Variants in DOCK6 observed in about 807,000 individuals in gnomAD.
The protein encoded by DOCK6 is dedicator of cytokinesis 6.
A neutral mutation model predicts 230.3 loss-of-function variants in DOCK6; 167 were observed. The observed-to-expected ratio is 0.73, with a 90% confidence interval of 0.64 to 0.82. The LOEUF (loss-of-function observed/expected upper bound fraction) is 0.82, where lower values mean the gene tolerates loss of function less well. DOCK6 is among the 40% of genes least tolerant of loss of function. The pLI, the probability that DOCK6 is intolerant of heterozygous loss-of-function variation, is 0.00. For missense variants in DOCK6, 2,598 were observed against 2,825.8 expected (o/e 0.92, Z 1.83); for synonymous variants, 1,148 against 1,185.0 (o/e 0.97, Z 0.64).
At chr19:11,247,990 C>A in intron 7 of DOCK6, 76 bp downstream of exon 7, 1 of 1,272,500 alleles carries the variant, frequency 7.9e-7, no homozygotes, top group South Asian at 1.3e-5. Context: ...TGGCACTACT[C>A]ATGTAGTGTG....
intron 34 of DOCK6, 58 bp from the exon 35 acceptor site, chr19:11,213,386 G>A: frequency 6.4e-7 from 1 of 1,568,262 alleles, no homozygotes; most frequent in East Asian, 2.4e-5. Flanking sequence ...GGCTCAGAAG[G>A]GGACTGGCCC....
At chr19:11,251,957 A>C in intron 5 of DOCK6, 162 bp downstream of exon 5, 1 of 1,033,448 alleles carries the variant, frequency 9.7e-7, no homozygotes, top group South Asian at 1.5e-5. Context: ...GCACTCAATA[A>C]ATGTTTATAA....
chr19:11,227,790 TAG>T (rs1200177048), intron 23 of DOCK6, among the ~76,000 whole-genome samples: 5 of 151,294 alleles, frequency 3.3e-5, no homozygotes, highest in Admixed American at 6.6e-5. Context: ...AGGCAAAGTG[TAG>T]AGAGTGGGAA....
chr19:11,218,741 C>T (rs2079532879), intron 28 of DOCK6, among the ~76,000 whole-genome samples: 1 of 151,950 alleles, frequency 6.6e-6, no homozygotes, highest in Non-Finnish European at 1.5e-5. Flanking sequence ...AGCCACTGCA[C>T]CTGGCCTTGA....
chr19:11,255,205 A>G (rs1289556373), intron 1 of DOCK6, among the ~76,000 whole-genome samples: 1 of 151,900 alleles, frequency 6.6e-6, no homozygotes, highest in African/African-American at 2.4e-5. Context: ...GGGTTTCACA[A>G]TGTTGGCCAG....
intron 22 of DOCK6, among the ~76,000 whole-genome samples, chr19:11,230,760 A>G (rs555824928): frequency 2.8e-4 from 42 of 152,210 alleles, no homozygotes; most frequent in African/African-American, 1.0e-3. Flanking sequence ...AGAGAGCCCA[A>G]GGTTCCAGGC....
chr19:11,216,896 C>T lies in DOCK6; in HGVS notation c.3894+18G>A, dbSNP rs192704795. On this transcript the variant is annotated intron_variant, in intron 30 of 47. Coordinates refer to ENST00000294618, the MANE Select transcript of DOCK6 (RefSeq NM_020812.4). ...CTTAGCCTGCCTCCTCCATCATCTC[C>T]TGCCCACGCCCTCAAACCTTGTACT... 4.3e-6 allele frequency: 7 copies of T among 1,613,094 alleles called. No homozygotes were observed. Among genetic ancestry groups the T allele is most frequent in the Non-Finnish European group, 5.1e-6 (6 of 1,179,286 alleles).
At chr19:11,247,600 C>T (rs544191797) in intron 7 of DOCK6, 8 of 156,212 alleles carry the variant, frequency 5.1e-5, no homozygotes, top group Admixed American at 1.2e-4. Flanking sequence ...CGCACTTCTG[C>T]TGCTCCCCGG....
Position 11,199,522 on chromosome 19 carries a change from G to T in DOCK6, c.6119C>A (p.Ala2040Glu), listed in dbSNP as rs1273487788. ...PPGLRNSLNRASFRKADL is the reference protein window; with the variant it reads ...PPGLRNSLNRESFRKADL ...TCAGAGGTCTGCCTTTCGGAAACTT[G>T]CTCTGTTCAAGGAGTTCCTGGAAAA... Residue 2040 changes from alanine (A) to glutamate (E), a missense_variant, in exon 48 of 48, where the codon GCA (alanine) becomes GAA (glutamate). Coordinates refer to ENST00000294618, the MANE Select transcript of DOCK6 (RefSeq NM_020812.4). 1.3e-6 allele frequency: 2 copies of T among 1,583,282 alleles called. No individual in the cohort carries two copies. The highest frequency in any genetic ancestry group is 1.7e-6 in the Non-Finnish European group (2 of 1,164,628).
At position 11,201,020 on chromosome 19, in the gene DOCK6, C is replaced by G. The variant is rs1306251827; in HGVS notation, c.5721G>C (p.Glu1907Asp). The G allele has an allele frequency of 6.2e-7, 1 of 1,613,814 alleles. No homozygotes were observed. Among genetic ancestry groups the G allele is most frequent in the Non-Finnish European group, 8.5e-7 (1 of 1,179,878 alleles). ...TVLTPVEVAI[E>D]DMQKKTRELA... The stretch of plus-strand genomic sequence containing the variant: ...GCTCCCGTGTCTTCTTCTGCATGTC[C>G]TCGATGGCCACCTCCACTGGCGTCA... The change falls in exon 45 of 48, where the codon GAG becomes GAC. Residue 1907 changes from glutamate to aspartate, a missense_variant. Glu to Asp is a conservative substitution (Grantham distance 45). Coordinates refer to ENST00000294618, the MANE Select transcript of DOCK6 (RefSeq NM_020812.4). This position sits in a 1 kb window ranked among gnomAD's most constrained non-coding sequence, Gnocchi z 4.3.
intron 14 of DOCK6, chr19:11,239,605 A>T (rs767657753): frequency 6.2e-7 from 1 of 1,609,632 alleles, no homozygotes; most frequent in Non-Finnish European, 8.5e-7. Context: ...GGCTTCAGTG[A>T]CAGTGCTGTG....
intron 34 of DOCK6, 64 bp from the exon 35 acceptor site, chr19:11,213,392 G>A: frequency 6.4e-7 from 1 of 1,559,702 alleles, no homozygotes; most frequent in Admixed American, 1.9e-5. Flanking sequence ...GAAGGGGACT[G>A]GCCCAAATGA....
At chr19:11,248,820 A>G (rs1457396815) in intron 6 of DOCK6, among the ~76,000 whole-genome samples, 2 of 152,214 alleles carry the variant, frequency 1.3e-5, no homozygotes, top group African/African-American at 2.4e-5. Flanking sequence ...TGCCAACAAT[A>G]CAGTGGGTAC....
intron 14 of DOCK6, among the ~76,000 whole-genome samples, chr19:11,239,120 TG>T (rs1425458769): frequency 6.6e-6 from 1 of 152,266 alleles, no homozygotes; most frequent in African/African-American, 2.4e-5. Context: ...AGTGGTGATC[TG>T]GGCATATGCA....
In DOCK6 at chr19:11,232,793, G is replaced by A. The variant is rs531931529; in HGVS notation, c.2718+410C>T. Among the ~76,000 whole-genome samples, 19 of 151,548 alleles carry A rather than the reference G, an allele frequency of 1.3e-4. No individual in the cohort carries two copies. The South Asian group carries it at 3.7e-3, about 30-fold the overall frequency. On this transcript the variant is annotated intron_variant, in intron 22 of 47. Coordinates refer to ENST00000294618, the MANE Select transcript of DOCK6 (RefSeq NM_020812.4). Reference sequence around the variant, plus strand: ...TGTACCTGTGTAGGTATATGCATGTGGGGGTGAATGTGTATATGCACCCAT... The same window carrying A: ...TGTACCTGTGTAGGTATATGCATGTAGGGGTGAATGTGTATATGCACCCAT...
At chr19:11,220,917 C>T (rs1332213378) in intron 28 of DOCK6, among the ~76,000 whole-genome samples, 2 of 151,682 alleles carry the variant, frequency 1.3e-5, no homozygotes, top group Non-Finnish European at 1.5e-5. Context: ...CTCCGCCTCC[C>T]GTGTTCATGC....
At chr19:11,214,463 GA>G in intron 33 of DOCK6, 54 bp from the exon 34 acceptor site, 2 of 1,613,686 alleles carry the variant, frequency 1.2e-6, no homozygotes, top group Non-Finnish European at 1.7e-6. Context: ...TGGTTATGGG[GA>G]AAGGGAAGGA....
At chr19:11,229,215 G>T in intron 22 of DOCK6, 180 bp from the exon 23 acceptor site, 1 of 1,295,800 alleles carries the variant, frequency 7.7e-7, no homozygotes, top group Admixed American at 2.9e-5. Flanking sequence ...AGACCCCCCT[G>T]GACTCTGGAT....
At chr19:11,228,661 G>A (rs1021415544) in intron 23 of DOCK6, among the ~76,000 whole-genome samples, 3 of 151,108 alleles carry the variant, frequency 2.0e-5, no homozygotes, top group African/African-American at 7.3e-5. Context: ...CTGGGTGCAC[G>A]CCATTCTTCT....
Sources: gnomAD v4.1 joint callset for allele counts (sites outside exome capture counted in the v4.1 genomes callset) on GRCh38, gnomAD v4.1.1 for gene constraint, Gnocchi (gnomAD v3.1) non-coding constraint, MANE v1.5 for transcripts, NCBI Gene and HGNC (gene_info 2026-07-23, HGNC 2026-07-21) for gene names.